Variants in CCDC102B observed in about 807,000 individuals in gnomAD.
The protein encoded by CCDC102B is coiled-coil domain-containing protein 102B.
Under a neutral mutation model 57.4 loss-of-function variants are expected in CCDC102B, and 75 were observed. The observed-to-expected ratio is 1.31, with a 90% CI of 1.08 to 1.58. The LOEUF (loss-of-function observed/expected upper bound fraction) is 1.58. CCDC102B is among the 40% of genes most tolerant of loss of function. The pLI is 0.00. For missense variants in CCDC102B, 636 were observed against 582.6 expected (o/e 1.09, Z -0.94); for synonymous variants, 206 against 201.9 (o/e 1.02, Z -0.17).
chr18:68,791,660 A>G (rs1315831160), intron 2 of CCDC102B, among the ~76,000 whole-genome samples: 4 of 151,894 alleles, frequency 2.6e-5, no homozygotes, highest in African/African-American at 9.7e-5. Flanking sequence ...GAGAGATTTT[A>G]AAGCACCTAA....
chr18:68,963,013 C>A (rs552190643), intron 6 of CCDC102B, among the ~76,000 whole-genome samples: 1 of 151,836 alleles, frequency 6.6e-6, no homozygotes, highest in Non-Finnish European at 1.5e-5. Context: ...ATTTATTACA[C>A]GGCATCTTTT....
intron 6 of CCDC102B, among the ~76,000 whole-genome samples, chr18:68,949,386 C>A (rs914627773): frequency 6.6e-6 from 1 of 152,062 alleles, no homozygotes; most frequent in South Asian, 2.1e-4. Flanking sequence ...TATAAAAACA[C>A]AATAGAAACG....
chr18:68,921,001 A>AT (rs1426128126), intron 6 of CCDC102B, among the ~76,000 whole-genome samples: 1 of 152,172 alleles, frequency 6.6e-6, no homozygotes, highest in Non-Finnish European at 1.5e-5. Context: ...CAAAGGTGGC[A>AT]TAAGGGCTCC....
chr18:68,771,765 G>C (rs767842949), intron 2 of CCDC102B, among the ~76,000 whole-genome samples: 2 of 151,932 alleles, frequency 1.3e-5, no homozygotes, highest in Non-Finnish European at 2.9e-5. Flanking sequence ...AGAGCTTTCA[G>C]CCATCAGTGA....
chr18:68,914,993 G>C (rs1427576513), intron 6 of CCDC102B, among the ~76,000 whole-genome samples: 3 of 151,700 alleles, frequency 2.0e-5, no homozygotes, highest in African/African-American at 4.9e-5. Context: ...GAGAGAGAGA[G>C]AGACAGACAG....
chr18:68,822,868 T>TCGAGAGAG (rs111527989), intron 1 of CCDC102B, among the ~76,000 whole-genome samples: 1 of 151,640 alleles, frequency 6.6e-6, no homozygotes, highest in Non-Finnish European at 1.5e-5. Flanking sequence ...GAATAGGGTC[T>TCGAGAGAG]GGAGCCTAAG....
chr18:69,018,623 G>T (rs1041902794), intron 7 of CCDC102B, among the ~76,000 whole-genome samples: 5 of 151,602 alleles, frequency 3.3e-5, no homozygotes, highest in Non-Finnish European at 5.9e-5. Flanking sequence ...GTTATTTTTG[G>T]GTATTTTTGC....
chr18:68,877,399 T>A (rs1333838062), intron 5 of CCDC102B, among the ~76,000 whole-genome samples: 1 of 152,242 alleles, frequency 6.6e-6, no homozygotes, highest in Non-Finnish European at 1.5e-5. Flanking sequence ...ATCTTTAATA[T>A]GATGCCATCC....
At chr18:68,862,792 G>T (rs1324173342) in intron 4 of CCDC102B, among the ~76,000 whole-genome samples, 2 of 151,884 alleles carry the variant, frequency 1.3e-5, no homozygotes, top group Non-Finnish European at 2.9e-5. Context: ...CTTTTTAAAA[G>T]GTTTTATTAT....
At chr18:68,787,815 T>G (rs1263210892) in intron 2 of CCDC102B, among the ~76,000 whole-genome samples, 1 of 152,110 alleles carries the variant, frequency 6.6e-6, no homozygotes, top group Non-Finnish European at 1.5e-5. Context: ...GGGTTTTTTA[T>G]GTCTCTATTT....
chr18:69,009,207 G>A (rs185442094), intron 6 of CCDC102B, among the ~76,000 whole-genome samples: 1 of 152,148 alleles, frequency 6.6e-6, no homozygotes. Flanking sequence ...GCCTTTGCCA[G>A]TCTGAAGACA....
At chr18:68,953,547 C>G (rs11151476) in intron 6 of CCDC102B, among the ~76,000 whole-genome samples, 134,605 of 151,330 alleles carry the variant, frequency 0.89, 59,947 homozygotes, top group East Asian at 0.99. Context: ...TGTTTAGTAG[C>G]GGTTTTTTTT....
At chr18:68,856,938 C>T (rs2038414002) in intron 4 of CCDC102B, among the ~76,000 whole-genome samples, 1 of 145,802 alleles carries the variant, frequency 6.9e-6, no homozygotes, top group African/African-American at 2.5e-5. Context: ...ATACAGCATA[C>T]ACACACATAC....
At chr18:68,730,402 A>G (rs1312549661) in intron 2 of CCDC102B, among the ~76,000 whole-genome samples, 1 of 152,220 alleles carries the variant, frequency 6.6e-6, no homozygotes, top group Admixed American at 6.5e-5. Context: ...TAATTAGGTT[A>G]TTCATTTTTA....
rs143095138 is a variant in CCDC102B at position 69,032,258 on chromosome 18, G to A, written c.1434+21154G>A. Among the ~76,000 whole-genome samples the A allele has an allele frequency of 8.8e-4, 134 of 152,268 alleles. 2 individuals carry two copies. The East Asian group carries it at 0.023, about 27-fold the overall frequency. On this transcript the variant is annotated intron_variant, in intron 7 of 7. Transcript: ENST00000360242. Reference sequence around the variant, plus strand: ...ATTGTGCAAAGATAAAATAGTGAATGATGGATTATTATTTCCCTAGGAACT... The same window carrying A: ...ATTGTGCAAAGATAAAATAGTGAATAATGGATTATTATTTCCCTAGGAACT...
intron 6 of CCDC102B, among the ~76,000 whole-genome samples, chr18:68,940,568 G>A (rs2049351793): frequency 6.6e-6 from 1 of 151,838 alleles, no homozygotes; most frequent in African/African-American, 2.4e-5. Flanking sequence ...TGAGATACAA[G>A]TTAATAAACT....
chr18:68,860,326 T>A (rs2038678864), intron 4 of CCDC102B, among the ~76,000 whole-genome samples: 1 of 29,812 alleles, frequency 3.4e-5, no homozygotes, highest in African/African-American at 8.9e-5. Flanking sequence ...GGGGGAGGGA[T>A]AGCATTGGGA....
At chr18:68,971,413 A>G (rs1471194448) in intron 6 of CCDC102B, among the ~76,000 whole-genome samples, 1 of 152,090 alleles carries the variant, frequency 6.6e-6, no homozygotes, top group Non-Finnish European at 1.5e-5. Flanking sequence ...TTACATATAC[A>G]CAGAAATTGT....
intron 6 of CCDC102B, among the ~76,000 whole-genome samples, chr18:68,911,153 C>G (rs980992090): frequency 2.0e-5 from 3 of 152,128 alleles, no homozygotes; most frequent in African/African-American, 7.2e-5. Flanking sequence ...CATTGCAGCA[C>G]TATTCCCAAT....
Sources: allele counts gnomAD v4.1 joint callset (sites outside exome capture counted in the v4.1 genomes callset), GRCh38; gene constraint gnomAD v4.1.1; transcripts MANE v1.5; gene names NCBI Gene and HGNC (gene_info 2026-07-23, HGNC 2026-07-21).